CUL5: variants seen among roughly 807,000 people sequenced by gnomAD.
The protein encoded by CUL5 is cullin-5.
CUL5 carries 26 observed loss-of-function variants against 108.8 expected under a neutral mutation model. That is an observed-to-expected ratio of 0.24 (90% confidence interval 0.18 to 0.33). CUL5 has a LOEUF of 0.33. Ranked by LOEUF, CUL5 falls within the 10% of genes least tolerant of loss-of-function variation. The pLI is 1.00. For missense variants in CUL5, 524 were observed against 909.2 expected (o/e 0.58, Z 5.45); for synonymous variants, 334 against 298.0 (o/e 1.12, Z -1.25).
chr11:108,065,053 T>G (rs1238682861), intron 7 of CUL5, among the ~76,000 whole-genome samples: 1 of 151,988 alleles, frequency 6.6e-6, no homozygotes. Flanking sequence ...TGAGACGGAG[T>G]CTTGCTCTGT....
At chr11:108,038,697 C>A (rs1436582823) in intron 2 of CUL5, among the ~76,000 whole-genome samples, 1 of 150,212 alleles carries the variant, frequency 6.7e-6, no homozygotes, top group African/African-American at 2.4e-5. Flanking sequence ...AAAAAAAGAT[C>A]TTTCATCTCC....
intron 1 of CUL5, among the ~76,000 whole-genome samples, chr11:108,012,588 G>A (rs1565480952): frequency 1.4e-5 from 2 of 145,850 alleles, no homozygotes; most frequent in Non-Finnish European, 3.0e-5. Flanking sequence ...CATATGTCGC[G>A]TCATATAAAC....
intron 1 of CUL5, among the ~76,000 whole-genome samples, chr11:108,018,303 A>C (rs533359711): frequency 1.1e-4 from 17 of 152,220 alleles, no homozygotes; most frequent in Non-Finnish European, 2.4e-4. Context: ...ACTGGTATTC[A>C]AATATATACA....
intron 2 of CUL5, among the ~76,000 whole-genome samples, chr11:108,040,781 CA>C (rs888372932): frequency 1.4e-5 from 2 of 144,624 alleles, no homozygotes; most frequent in African/African-American, 2.5e-5. Context: ...CCTGTCTCAA[CA>C]AAAAAAAAAG....
intron 2 of CUL5, among the ~76,000 whole-genome samples, chr11:108,039,903 G>A (rs555171598): frequency 2.0e-5 from 3 of 152,038 alleles, no homozygotes; most frequent in South Asian, 4.2e-4. Flanking sequence ...GGTTGCCTTC[G>A]TGTTTCTTGG....
Position 108,105,047 on chromosome 11 carries a change from G to T in CUL5, c.*663G>T. On this transcript the variant is annotated 3_prime_UTR_variant, in exon 19 of 19. Coordinates refer to ENST00000393094, the MANE Select transcript of CUL5 (RefSeq NM_003478.6). ...CTTTAAGCAGGAGACTGCTATTTTA[G>T]TTGTTGTTAAATGATGAGGAGTTTT... is the stretch of plus-strand genomic sequence containing the variant. 1 of 151,632 alleles carries T rather than the reference G, an allele frequency of 6.6e-6. No individual in the cohort carries two copies. The highest frequency in any genetic ancestry group is 2.4e-5 in the African/African-American group (1 of 41,224). The allele number at this position is 151,632 out of a possible 1,614,324, so 9.4% of individuals were successfully genotyped here.
chr11:108,035,043 G>A (rs144098973), intron 2 of CUL5, among the ~76,000 whole-genome samples: 114 of 152,280 alleles, frequency 7.5e-4, no homozygotes, highest in Non-Finnish European at 1.3e-3. Flanking sequence ...ACTGAGGTGT[G>A]TGTGTACCAG....
At chr11:108,064,383 T>C (rs1180800620) in intron 7 of CUL5, among the ~76,000 whole-genome samples, 1 of 152,162 alleles carries the variant, frequency 6.6e-6, no homozygotes, top group Non-Finnish European at 1.5e-5. Flanking sequence ...CACTTGGTCA[T>C]GATGAATGAT....
chr11:108,066,927 C>T (rs754889136), intron 7 of CUL5, among the ~76,000 whole-genome samples: 4 of 152,174 alleles, frequency 2.6e-5, no homozygotes, highest in African/African-American at 4.8e-5. Flanking sequence ...TCATTGAGGG[C>T]ATGAACCATG....
chr11:108,050,099 T>G (rs575615804), intron 4 of CUL5, 33 bp downstream of exon 4: 1 of 1,519,680 alleles, frequency 6.6e-7, no homozygotes, highest in Non-Finnish European at 8.9e-7. Flanking sequence ...TTTCCTAATA[T>G]TCTTCAGAAA....
At chr11:108,010,983 G>T (rs1862044980) in intron 1 of CUL5, among the ~76,000 whole-genome samples, 1 of 152,170 alleles carries the variant, frequency 6.6e-6, no homozygotes, top group African/African-American at 2.4e-5. Flanking sequence ...CCACTGCTCT[G>T]TGAGACTCTA....
intron 17 of CUL5, among the ~76,000 whole-genome samples, chr11:108,098,093 C>G (rs768459078): frequency 1.3e-5 from 2 of 151,730 alleles, no homozygotes; most frequent in African/African-American, 2.4e-5. Context: ...TTTGTTAAGA[C>G]CCAGTTAGGC....
intron 1 of CUL5, among the ~76,000 whole-genome samples, chr11:108,028,652 C>T (rs1249371714): frequency 6.6e-6 from 1 of 152,106 alleles, no homozygotes; most frequent in Non-Finnish European, 1.5e-5. Context: ...GCCTGGCCGA[C>T]ATGGTGAAAC....
intron 10 of CUL5, among the ~76,000 whole-genome samples, chr11:108,076,727 C>T (rs1160040929): frequency 1.3e-5 from 2 of 151,978 alleles, no homozygotes; most frequent in Non-Finnish European, 2.9e-5. Flanking sequence ...GGGTATATGC[C>T]TAGAAGAGGG....
intron 1 of CUL5, among the ~76,000 whole-genome samples, chr11:108,013,784 A>G (rs1193471912): frequency 6.6e-6 from 1 of 152,194 alleles, no homozygotes; most frequent in Non-Finnish European, 1.5e-5. Context: ...GAGTGTCTAT[A>G]GAGGCCGGGC....
chr11:108,063,834 A>G (rs1433233779), intron 7 of CUL5, among the ~76,000 whole-genome samples: 1 of 152,066 alleles, frequency 6.6e-6, no homozygotes, highest in Non-Finnish European at 1.5e-5. Flanking sequence ...TGCTTGTACT[A>G]ATATTACATT....
chr11:108,052,989 G>T (rs1426064493), intron 5 of CUL5, among the ~76,000 whole-genome samples, 188 bp downstream of exon 5: 1 of 152,108 alleles, frequency 6.6e-6, no homozygotes, highest in Non-Finnish European at 1.5e-5. Context: ...TCATATTAAT[G>T]TGGTTAATAT....
chr11:108,037,624 G>T (rs1862780367), intron 2 of CUL5, among the ~76,000 whole-genome samples: 1 of 152,170 alleles, frequency 6.6e-6, no homozygotes, highest in Admixed American at 6.5e-5. Context: ...AACTGACAGT[G>T]ACAACACATA....
intron 1 of CUL5, among the ~76,000 whole-genome samples, chr11:108,018,702 C>G (rs1862261798): frequency 1.3e-5 from 2 of 152,016 alleles, no homozygotes; most frequent in Admixed American, 1.3e-4. Flanking sequence ...AGAAACATCA[C>G]ATATATGCAC....
Sources: allele counts gnomAD v4.1 joint callset (sites outside exome capture counted in the v4.1 genomes callset), GRCh38; gene constraint gnomAD v4.1.1; transcripts MANE v1.5; gene names NCBI Gene and HGNC (gene_info 2026-07-23, HGNC 2026-07-21).